PHYHIPL: variants seen among roughly 807,000 people sequenced by gnomAD.
PHYHIPL encodes phytanoyl-CoA 2-hydroxylase interacting protein like.
In PHYHIPL, 9 loss-of-function variants were observed where a neutral mutation model predicts 33.4. The ratio of observed to expected loss-of-function variants is 0.27; its 90% confidence interval spans 0.16 to 0.47. The LOEUF (loss-of-function observed/expected upper bound fraction) is 0.47, where lower values mean the gene tolerates loss of function less well. Among genes scored for constraint, PHYHIPL ranks in the 20% least tolerant of loss-of-function variants. The pLI is 0.99. For synonymous variants in PHYHIPL, 153 were observed against 154.1 expected (o/e 0.99, Z 0.05); for missense variants, 365 against 460.7 (o/e 0.79, Z 1.90).
chr10:59,235,824 C>G lies in PHYHIPL; in HGVS notation c.304-659C>G, dbSNP rs182212726. On this transcript the variant is annotated intron_variant, in intron 2 of 4. Coordinates refer to ENST00000373880, the MANE Select transcript of PHYHIPL (RefSeq NM_032439.4). ...CTTTACTAAGCATTTTTTAGAAATA[C>G]GTAAACTTTTCTGTGACACATAGAC... 2.5e-3 allele frequency among the ~76,000 whole-genome samples: 380 copies of G among 151,870 alleles called. 1 individual carries two copies. Among genetic ancestry groups the G allele is most frequent in the Non-Finnish European group, 3.4e-3 (232 of 67,834 alleles).
rs1005893432 is a variant in PHYHIPL at position 59,245,726 on chromosome 10, C to G, written c.*135C>G. Reference sequence around the variant, plus strand: ...CTGTCACCAAAACAAACAACTACCACTTTCCAAATTTCATTCAGAACCATT... The same window carrying G: ...CTGTCACCAAAACAAACAACTACCAGTTTCCAAATTTCATTCAGAACCATT... On this transcript the variant is annotated 3_prime_UTR_variant, in exon 5 of 5. Transcript: ENST00000373880. 1.5e-5 allele frequency: 15 copies of G among 970,018 alleles called. No homozygotes were observed. Among genetic ancestry groups the G allele is most frequent in the Non-Finnish European group, 2.1e-5 (14 of 671,538 alleles). 60.1% of individuals were successfully genotyped at this position (970,018 alleles called of 1,614,324 possible).
chr10:59,217,368 G>A (rs995264403), intron 1 of PHYHIPL, among the ~76,000 whole-genome samples: 1 of 151,700 alleles, frequency 6.6e-6, no homozygotes, highest in Admixed American at 6.6e-5. Flanking sequence ...GATAAAAATG[G>A]GAATAAAATA....
intron 1 of PHYHIPL, among the ~76,000 whole-genome samples, chr10:59,205,360 G>A (rs1839256881): frequency 6.6e-6 from 1 of 151,982 alleles, no homozygotes; most frequent in African/African-American, 2.4e-5. Flanking sequence ...TGATTCATCT[G>A]TTTTCCACAG....
At chr10:59,224,340 T>C (rs1564454920) in intron 1 of PHYHIPL, among the ~76,000 whole-genome samples, 2 of 151,938 alleles carry the variant, frequency 1.3e-5, no homozygotes, top group Non-Finnish European at 2.9e-5. Context: ...GAGTCTTACC[T>C]AGCCACAAGG....
chr10:59,185,287 G>GC (rs1183035535), intron 1 of PHYHIPL, among the ~76,000 whole-genome samples: 1 of 152,120 alleles, frequency 6.6e-6, no homozygotes, highest in African/African-American at 2.4e-5. Context: ...ACCGCGCCCG[G>GC]CCGAACTCAT....
At chr10:59,219,117 C>T (rs1000267304) in intron 1 of PHYHIPL, 1 of 253,392 alleles carries the variant, frequency 3.9e-6, no homozygotes, top group Non-Finnish European at 6.2e-6. Flanking sequence ...TGATGTTGGC[C>T]ACACACAGAA....
rs528221753 is a variant in PHYHIPL, at chr10:59,187,358, C to T, written c.106+10399C>T. Among the ~76,000 whole-genome samples, 28 of 152,188 alleles carry T rather than the reference C, an allele frequency of 1.8e-4. 1 individual carries two copies. In the South Asian group the frequency reaches 2.7e-3, roughly 15 times the overall value. ...GAGCTTTTTGATGTGTTGCTGGATT[C>T]GGTTTGCCAGTATTTTATTGAGTAT... is the stretch of plus-strand genomic sequence containing the variant. On this transcript the variant is annotated intron_variant, in intron 1 of 4. Transcript: ENST00000373880.
chr10:59,226,703 TTAAAAG>T (rs1380677633), intron 1 of PHYHIPL, among the ~76,000 whole-genome samples: 3 of 152,228 alleles, frequency 2.0e-5, no homozygotes, highest in Non-Finnish European at 2.9e-5. Flanking sequence ...CCATGAGAAA[TTAAAAG>T]TAAAAGTATT....
At chr10:59,188,740 T>A (rs1564702014) in intron 1 of PHYHIPL, among the ~76,000 whole-genome samples, 1 of 152,036 alleles carries the variant, frequency 6.6e-6, no homozygotes, top group Non-Finnish European at 1.5e-5. Context: ...TTGTCTCTTT[T>A]GATCTTTGTT....
upstream of PHYHIPL, among the ~76,000 whole-genome samples, chr10:59,175,630 C>G (rs1240014017): frequency 3.3e-5 from 5 of 152,200 alleles, no homozygotes; most frequent in African/African-American, 1.2e-4. Flanking sequence ...GCTGTGACCT[C>G]TATTTTATGT....
intron 3 of PHYHIPL, among the ~76,000 whole-genome samples, chr10:59,237,757 C>T (rs919040878): frequency 3.0e-4 from 46 of 151,820 alleles, no homozygotes; most frequent in African/African-American, 1.1e-3. Flanking sequence ...AAACCCTGTG[C>T]TTATCCCAAT....
intron 1 of PHYHIPL, among the ~76,000 whole-genome samples, chr10:59,203,222 A>G (rs566396005): frequency 2.0e-5 from 3 of 152,288 alleles, no homozygotes; most frequent in African/African-American, 7.2e-5. Flanking sequence ...ATGAGATACC[A>G]TCTCACACCA....
intron 1 of PHYHIPL, among the ~76,000 whole-genome samples, chr10:59,220,376 G>A (rs1839735654): frequency 6.6e-6 from 1 of 152,038 alleles, no homozygotes; most frequent in African/African-American, 2.4e-5. Context: ...TATTGGACCA[G>A]AAACCAAGCT....
intron 1 of PHYHIPL, among the ~76,000 whole-genome samples, chr10:59,220,892 TATG>T (rs565386905): frequency 9.7e-4 from 147 of 152,194 alleles, no homozygotes; most frequent in African/African-American, 3.2e-3. Context: ...AATTGATAAA[TATG>T]ATAACTAAAA....
chr10:59,180,232 GC>G lies in PHYHIPL; in HGVS notation c.106+3274del, dbSNP rs950672022. Among the ~76,000 whole-genome samples the G allele has an allele frequency of 9.4e-4, 130 of 138,348 alleles. 2 individuals are homozygous for G. Among genetic ancestry groups the G allele is most frequent in the Non-Finnish European group, 1.4e-3 (91 of 64,722 alleles). 90.8% of individuals were successfully genotyped at this position (138,348 alleles called of 152,430 possible). ...ACACACAGAATTTTATATTACTTGT[GC>G]TTTTCGTCTTTTAATCATATATATA... On this transcript the variant is annotated intron_variant, in intron 1 of 4. Transcript: ENST00000373880.
At chr10:59,179,576 T>C (rs1838343655) in intron 1 of PHYHIPL, among the ~76,000 whole-genome samples, 1 of 152,116 alleles carries the variant, frequency 6.6e-6, no homozygotes, top group Non-Finnish European at 1.5e-5. Flanking sequence ...ATCAGAGATA[T>C]TTTTAATTTT....
rs1165700230 is a variant in PHYHIPL, at chr10:59,243,358, T to C, written c.597-1699T>C. On this transcript the variant is annotated intron_variant, in intron 4 of 4. Coordinates refer to ENST00000373880, the MANE Select transcript of PHYHIPL (RefSeq NM_032439.4). ...TCAGATGAAGGAAAACTAAGGGGAT[T>C]TGTCAACAGCATATCTATCCTAAAG... Among the ~76,000 whole-genome samples, 4 of 152,244 alleles carry C rather than the reference T, an allele frequency of 2.6e-5. No homozygotes were observed. The South Asian group carries it at 6.2e-4, about 24-fold the overall frequency.
intron 1 of PHYHIPL, among the ~76,000 whole-genome samples, chr10:59,207,297 G>A (rs1258219112): frequency 2.6e-5 from 4 of 152,160 alleles, no homozygotes; most frequent in Admixed American, 1.3e-4. Flanking sequence ...GCAGGGTGGG[G>A]CGTTGCCTCA....
intron 1 of PHYHIPL, among the ~76,000 whole-genome samples, chr10:59,177,933 A>T (rs976144178): frequency 3.9e-5 from 6 of 152,212 alleles, no homozygotes; most frequent in Non-Finnish European, 8.8e-5. Context: ...AATACTTTTG[A>T]CTGTAAATGA....
Sources: allele counts gnomAD v4.1 joint callset (sites outside exome capture counted in the v4.1 genomes callset), GRCh38; gene constraint gnomAD v4.1.1; transcripts MANE v1.5; gene names NCBI Gene and HGNC (gene_info 2026-07-23, HGNC 2026-07-21).